The following MTR variants were observed in gnomAD, a reference collection of about 807,000 sequenced individuals.
MTR encodes 5-methyltetrahydrofolate-homocysteine methyltransferase.
In MTR, 84 loss-of-function variants were observed where a neutral mutation model predicts 154.8. The ratio of observed to expected loss-of-function variants is 0.54; its 90% CI spans 0.45 to 0.65. The LOEUF (loss-of-function observed/expected upper bound fraction) is 0.65, where lower values mean the gene tolerates loss of function less well. MTR is among the 30% of genes least tolerant of loss of function. The pLI, the probability that MTR is intolerant of heterozygous loss-of-function variation, is 0.00. For synonymous variants in MTR, 554 were observed against 553.9 expected, an observed-to-expected ratio of 1.00 and a Z score of 0.00; for missense variants, 1,275 against 1,570.2, an observed-to-expected ratio of 0.81 and a Z score of 3.18.
intron 22 of MTR, among the ~76,000 whole-genome samples, chr1:236,866,934 A>T (rs1664853513): frequency 6.6e-6 from 1 of 152,324 alleles, no homozygotes; most frequent in Non-Finnish European, 1.5e-5. Flanking sequence ...AAGCTAACAG[A>T]GGTTGGTTCA....
chr1:236,814,560 C>A (rs978826818), intron 6 of MTR, among the ~76,000 whole-genome samples: 1 of 152,122 alleles, frequency 6.6e-6, no homozygotes, highest in African/African-American at 2.4e-5. Flanking sequence ...AGTTTTCCTA[C>A]CACCATCTAT....
chr1:236,894,256 C>T, intron 29 of MTR, 101 bp from the exon 30 acceptor site: 1 of 1,144,570 alleles, frequency 8.7e-7, no homozygotes, highest in Admixed American at 1.8e-5. Flanking sequence ...CGTTGTGAAG[C>T]TTATTCTCAT....
intron 18 of MTR, among the ~76,000 whole-genome samples, chr1:236,855,382 T>C (rs1215430545): frequency 6.6e-6 from 1 of 152,136 alleles, no homozygotes; most frequent in Non-Finnish European, 1.5e-5. Context: ...AAGTAAATTA[T>C]TTTTGATAAT....
intron 13 of MTR, among the ~76,000 whole-genome samples, chr1:236,832,595 CTG>C (rs1390828468): frequency 2.0e-5 from 3 of 152,278 alleles, no homozygotes; most frequent in South Asian, 2.1e-4. Context: ...CTCAGTCACT[CTG>C]TGGATGAGCA....
At position 236,903,069 on chromosome 1, in the gene MTR, G is replaced by A. The variant is rs1666991312; in HGVS notation, c.*5425G>A. 2.0e-5 allele frequency: 3 copies of A among 152,300 alleles called. No individual in the cohort carries two copies. The South Asian group carries it at 6.2e-4, about 32-fold the overall frequency. The allele number at this position is 152,300 out of a possible 1,614,324, so 9.4% of individuals were successfully genotyped here. On this transcript the variant is annotated 3_prime_UTR_variant, in exon 33 of 33. Coordinates refer to ENST00000366577, the MANE Select transcript of MTR (RefSeq NM_000254.3). ...GGATCGGTTGAGGCCAGGAGTTTGA[G>A]GCTGCAGTGAGCTATGATTGCACAG... is the stretch of plus-strand genomic sequence containing the variant.
chr1:236,831,905 G>C, intron 12 of MTR, 61 bp from the exon 13 acceptor site: 4 of 1,171,862 alleles, frequency 3.4e-6, no homozygotes, highest in Non-Finnish European at 5.1e-6. Context: ...ATTTGTGTCT[G>C]TCTGTCTCAT....
chr1:236,804,568 ATCTAT>A (rs1660871138), intron 2 of MTR, among the ~76,000 whole-genome samples: 1 of 152,236 alleles, frequency 6.6e-6, no homozygotes, highest in Non-Finnish European at 1.5e-5. Context: ...TAACTTCATA[ATCTAT>A]TCCATGTATA....
chr1:236,798,697 A>G (rs1373534078), intron 1 of MTR, among the ~76,000 whole-genome samples: 3 of 152,250 alleles, frequency 2.0e-5, no homozygotes, highest in African/African-American at 4.8e-5. Flanking sequence ...CTATATTCTT[A>G]TATTTACTGT....
chr1:236,870,002 A>G (rs975592171), intron 22 of MTR, among the ~76,000 whole-genome samples: 1 of 152,154 alleles, frequency 6.6e-6, no homozygotes, highest in African/African-American at 2.4e-5. Context: ...TTGCCACACC[A>G]TATTCTAATT....
chr1:236,877,076 G>A, intron 24 of MTR, among the ~76,000 whole-genome samples: 1 of 152,148 alleles, frequency 6.6e-6, no homozygotes, highest in Admixed American at 6.5e-5. Flanking sequence ...TGCTTCCCGG[G>A]AACCATTCCC....
chr1:236,901,511 C>T lies in MTR; in HGVS notation c.*3867C>T, dbSNP rs1666915647. 1 of 152,288 alleles carries T rather than the reference C, an allele frequency of 6.6e-6. No individual in the cohort carries two copies. The highest frequency in any genetic ancestry group is 6.5e-5 in the Admixed American group (1 of 15,284). The allele number at this position is 152,288 out of a possible 1,614,324, so 9.4% of individuals were successfully genotyped here. A position where few individuals can be genotyped will look rare whatever the true frequency, so the allele number is the denominator to read the frequency against. ...TCTGCCAGTCAGTAACACCATCAAC[C>T]TGGGAGTTGCCCCTGACCCCTCCAG... On this transcript the variant is annotated 3_prime_UTR_variant, in exon 33 of 33. Transcript: ENST00000366577.
At chr1:236,849,417 G>A (rs1219135812) in intron 15 of MTR, among the ~76,000 whole-genome samples, 1 of 152,206 alleles carries the variant, frequency 6.6e-6, no homozygotes, top group Non-Finnish European at 1.5e-5. Context: ...GAGGAGGTGG[G>A]GAAGGGTGGA....
intron 28 of MTR, among the ~76,000 whole-genome samples, chr1:236,890,014 C>T (rs925587618): frequency 4.6e-5 from 7 of 152,094 alleles, no homozygotes; most frequent in Admixed American, 2.0e-4. Flanking sequence ...GACAGAGACA[C>T]GGAATCCAAA....
chr1:236,848,284 C>T (rs2385512), intron 15 of MTR, among the ~76,000 whole-genome samples: 53,460 of 151,950 alleles, frequency 0.35, 10,206 homozygotes, highest in East Asian at 0.43. Flanking sequence ...TCACTTCAAC[C>T]TGCCCTGCTT....
rs67705775 is a variant in MTR at position 236,897,645 on chromosome 1, CTTTT to C, written c.*13_*16del. 66 of 1,505,808 alleles carry C rather than the reference CTTTT, an allele frequency of 4.4e-5. No individual in the cohort carries two copies. The East Asian group carries it at 6.2e-4, about 14-fold the overall frequency. The allele number at this position is 1,505,808 out of a possible 1,614,324, so 93.3% of individuals were successfully genotyped here. On this transcript the variant is annotated 3_prime_UTR_variant, in exon 33 of 33. Transcript: ENST00000366577. ...CATTTTGGGATATGATACAGACTAACTTTTTTTTTTTTTTTGCCTTTTTTATTCT... is the reference window on the plus strand; with the variant it reads ...CATTTTGGGATATGATACAGACTAACTTTTTTTTTTTGCCTTTTTTATTCT...
At chr1:236,860,603 A>G (rs1273742244) in intron 19 of MTR, among the ~76,000 whole-genome samples, 2 of 152,120 alleles carry the variant, frequency 1.3e-5, no homozygotes, top group Non-Finnish European at 2.9e-5. Flanking sequence ...GGCCTCATCC[A>G]GTGTCATTTC....
intron 22 of MTR, among the ~76,000 whole-genome samples, chr1:236,868,122 A>C (rs1664920198): frequency 6.6e-6 from 1 of 152,132 alleles, no homozygotes; most frequent in African/African-American, 2.4e-5. Context: ...TTGGTGTGGG[A>C]AACTTCACTG....
chr1:236,833,648 T>A (rs570437358), intron 13 of MTR, among the ~76,000 whole-genome samples: 2 of 152,224 alleles, frequency 1.3e-5, no homozygotes. Context: ...AGTCTAGCTC[T>A]TATGACTTAA....
Position 236,806,221 on chromosome 1 carries a change from C to T in MTR, c.327C>T (p.Gly109=), listed in dbSNP as rs984844630. ...CTAGTATTGCCCAAGCTGACTATGG[C>T]CTTGAACACTTGGTAAGAATTCCAT... ...SSTSIAQADY[G]LEHLAYRMNM... is the part of the protein sequence containing the mutation. Residue 109 remains glycine (G), a synonymous_variant, in exon 3 of 33, where the codon GGC becomes GGT. Coordinates refer to ENST00000366577, the MANE Select transcript of MTR (RefSeq NM_000254.3). The T allele has an allele frequency of 3.7e-6, 6 of 1,613,336 alleles. No individual in the cohort carries two copies. In the African/African-American group the frequency reaches 6.7e-5, roughly 18 times the overall value.
Sources: gnomAD v4.1 joint callset for allele counts (sites outside exome capture counted in the v4.1 genomes callset) on GRCh38, gnomAD v4.1.1 for gene constraint, MANE v1.5 for transcripts, NCBI Gene and HGNC (gene_info 2026-07-23, HGNC 2026-07-21) for gene names.